PIK3C2G: variants seen among roughly 807,000 people sequenced by gnomAD.
PIK3C2G encodes phosphatidylinositol-4-phosphate 3-kinase catalytic subunit type 2 gamma.
PIK3C2G carries 168 observed loss-of-function variants against 181.1 expected under a neutral mutation model. That is an observed-to-expected ratio of 0.93 (90% CI 0.82 to 1.05). The LOEUF (loss-of-function observed/expected upper bound fraction) is 1.05, where lower values mean the gene tolerates loss of function less well. Ranked by LOEUF, PIK3C2G falls within the 50% of genes least tolerant of loss-of-function variation. The pLI is 0.00. For missense variants in PIK3C2G, 1,869 were observed against 1,732.8 expected (o/e 1.08, Z -1.40); for synonymous variants, 573 against 592.2 (o/e 0.97, Z 0.47).
chr12:18,650,696 G>A (rs1420812104), downstream of PIK3C2G, among the ~76,000 whole-genome samples: 1 of 43,698 alleles, frequency 2.3e-5, no homozygotes. Flanking sequence ...GTGTGTGTGT[G>A]TGTGTGTGTA....
intron 23 of PIK3C2G, among the ~76,000 whole-genome samples, chr12:18,504,974 AT>A (rs2136118801): frequency 6.6e-6 from 1 of 152,300 alleles, no homozygotes; most frequent in South Asian, 2.1e-4. Context: ...AATATTGTAT[AT>A]TTGAGGTATC....
intron 1 of PIK3C2G, among the ~76,000 whole-genome samples, chr12:18,255,252 T>TAAATAAACAAACAAAC (rs1555136296): frequency 4.2e-5 from 6 of 143,732 alleles, no homozygotes; most frequent in South Asian, 2.3e-4. Context: ...AATAAATAAA[T>TAAATAAACAAACAAAC]AAACAAACAA....
At chr12:18,618,111 T>C (rs1325827002) in intron 31 of PIK3C2G, among the ~76,000 whole-genome samples, 1 of 152,166 alleles carries the variant, frequency 6.6e-6, no homozygotes, top group African/African-American at 2.4e-5. Flanking sequence ...TCTACTTTTT[T>C]TTTTCTTTTT....
chr12:18,501,888 T>A (rs1007096787), intron 22 of PIK3C2G, among the ~76,000 whole-genome samples: 1 of 152,150 alleles, frequency 6.6e-6, no homozygotes, highest in Non-Finnish European at 1.5e-5. Context: ...TTGGGCATGG[T>A]CAAAGGTAAG....
chr12:18,303,376 C>A (rs1950291289), intron 5 of PIK3C2G, among the ~76,000 whole-genome samples: 2 of 151,530 alleles, frequency 1.3e-5, no homozygotes, highest in Middle Eastern at 3.4e-3. Context: ...ACTCTGTCAC[C>A]CAGGCTGAAG....
chr12:18,510,180 A>C (rs1942113712), intron 24 of PIK3C2G, among the ~76,000 whole-genome samples: 1 of 152,170 alleles, frequency 6.6e-6, no homozygotes, highest in African/African-American at 2.4e-5. Context: ...CATGTTGCCC[A>C]GGCTGGTCTT....
At chr12:18,421,759 CTTTTT>C (rs79447636) in intron 17 of PIK3C2G, among the ~76,000 whole-genome samples, 1 of 144,808 alleles carries the variant, frequency 6.9e-6, no homozygotes, top group Non-Finnish European at 1.5e-5. Flanking sequence ...TTTAATCCAG[CTTTTT>C]TTTTTTATCT....
chr12:18,525,988 A>G (rs1429011608), intron 24 of PIK3C2G, among the ~76,000 whole-genome samples: 2 of 152,212 alleles, frequency 1.3e-5, no homozygotes, highest in Non-Finnish European at 2.9e-5. Context: ...TTTTCATCCC[A>G]ATACTATTCA....
the PIK3C2G span, among the ~76,000 whole-genome samples, chr12:18,690,351 G>T: frequency 6.6e-6 from 1 of 152,042 alleles, no homozygotes; most frequent in African/African-American, 2.4e-5. Flanking sequence ...AGCCTCCCAA[G>T]TAGCTGGGAT....
At chr12:18,680,038 T>C in the PIK3C2G span, among the ~76,000 whole-genome samples, 1 of 152,126 alleles carries the variant, frequency 6.6e-6, no homozygotes, top group East Asian at 1.9e-4. Flanking sequence ...TTAGAATGCA[T>C]CATAAGAACC....
Position 18,381,750 on chromosome 12 carries a change from G to A in PIK3C2G, c.1881-16G>A, listed in dbSNP as rs749447605. Reference sequence around the variant, plus strand: ...AAGTGACTCCTGTCTGTGTGTGTGTGTGTTGTCTTTTGCAGAAAATCCATT... The same window carrying A: ...AAGTGACTCCTGTCTGTGTGTGTGTATGTTGTCTTTTGCAGAAAATCCATT... On this transcript the variant is annotated splice_polypyrimidine_tract_variant and intron_variant, in intron 13 of 32. Transcript: ENST00000538779. The A allele has an allele frequency of 7.2e-7, 1 of 1,384,758 alleles. No homozygotes were observed. The highest frequency in any genetic ancestry group is 1.2e-5 in the South Asian group (1 of 86,392). The allele number at this position is 1,384,758 out of a possible 1,614,324, so 85.8% of individuals were successfully genotyped here.
intron 16 of PIK3C2G, 133 bp from the exon 17 acceptor site, chr12:18,420,808 A>C: frequency 1.8e-6 from 1 of 564,478 alleles, no homozygotes; most frequent in South Asian, 2.4e-5. Context: ...TGCTAATATT[A>C]CCTTAATCGA....
At chr12:18,300,348 T>C (rs1307601868) in intron 5 of PIK3C2G, among the ~76,000 whole-genome samples, 3 of 152,012 alleles carry the variant, frequency 2.0e-5, no homozygotes, top group Non-Finnish European at 2.9e-5. Context: ...TCTTGCTGAA[T>C]TGATCCCACT....
chr12:18,331,445 T>C (rs920495354), intron 8 of PIK3C2G, among the ~76,000 whole-genome samples: 1 of 152,068 alleles, frequency 6.6e-6, no homozygotes. Flanking sequence ...ATAATATTTT[T>C]ATATTATTTT....
intron 26 of PIK3C2G, among the ~76,000 whole-genome samples, chr12:18,553,977 T>C (rs1327663337): frequency 2.6e-5 from 4 of 152,108 alleles, no homozygotes; most frequent in Admixed American, 2.6e-4. Context: ...GGAAATGGCA[T>C]GGCTTAGCAA....
chr12:18,412,878 C>T (rs112282831), intron 16 of PIK3C2G, among the ~76,000 whole-genome samples: 1 of 152,156 alleles, frequency 6.6e-6, no homozygotes, highest in Non-Finnish European at 1.5e-5. Flanking sequence ...GCTCTTCCTT[C>T]CCTGCACGTG....
At chr12:18,574,513 A>T (rs1326717285) in intron 29 of PIK3C2G, among the ~76,000 whole-genome samples, 1 of 152,188 alleles carries the variant, frequency 6.6e-6, no homozygotes, top group East Asian at 1.9e-4. Flanking sequence ...TGATTAGAAT[A>T]CTAAAAACCC....
intron 24 of PIK3C2G, among the ~76,000 whole-genome samples, chr12:18,517,047 A>G: frequency 9.6e-6 from 1 of 104,036 alleles, no homozygotes; most frequent in African/African-American, 3.2e-5. Context: ...TTTTTTTTTG[A>G]CAGTGTCAAC....
chr12:18,490,205 G>C (rs1181187832), intron 19 of PIK3C2G, among the ~76,000 whole-genome samples: 1 of 152,076 alleles, frequency 6.6e-6, no homozygotes, highest in Non-Finnish European at 1.5e-5. Flanking sequence ...AGGCAAAGGA[G>C]AACAACACAC....
Sources: allele counts gnomAD v4.1 joint callset (sites outside exome capture counted in the v4.1 genomes callset), GRCh38; gene constraint gnomAD v4.1.1; transcripts MANE v1.5; gene names NCBI Gene and HGNC (gene_info 2026-07-23, HGNC 2026-07-21).